The following MYORG variants were observed in gnomAD, a reference collection of about 807,000 sequenced individuals.
MYORG encodes alpha-galactosidase MYORG.
A neutral mutation model predicts 49.8 loss-of-function variants in MYORG; 45 were observed. The ratio of observed to expected loss-of-function variants is 0.90; its 90% CI spans 0.71 to 1.16. The LOEUF (loss-of-function observed/expected upper bound fraction) is 1.16. Ranked by LOEUF, MYORG falls within the 50% of genes most tolerant of loss-of-function variation. MYORG has a pLI of 0.00. For missense variants in MYORG, 1,110 were observed against 1,026.5 expected (o/e 1.08, Z -1.11); for synonymous variants, 552 against 462.9 (o/e 1.19, Z -2.47).
rs1012187372 is a variant in MYORG, at chr9:34,367,487, C to T, written c.*3312G>A. 6.6e-6 allele frequency: 1 copy of T among 152,226 alleles called. No homozygotes were observed. Among genetic ancestry groups the T allele is most frequent in the African/African-American group, 2.4e-5 (1 of 41,452 alleles). 9.4% of individuals were successfully genotyped at this position (152,226 alleles called of 1,614,324 possible). ...AAAATCAAAGGCTAGTTAGTTACTT[C>T]CTAGATACAACGGAGGTACAGGCAT... On this transcript the variant is annotated 3_prime_UTR_variant, in exon 2 of 2. Transcript: ENST00000297625.
Position 34,371,496 on chromosome 9 carries a change from G to C in MYORG, c.1448C>G (p.Pro483Arg). The C allele has an allele frequency of 6.2e-7, 1 of 1,611,180 alleles. No individual in the cohort carries two copies. The highest frequency in any genetic ancestry group is 8.5e-7 in the Non-Finnish European group (1 of 1,179,708). ...DFSTYRPLPD[P>R]SVWSRRYTEM... ...AGTGTAGCGCCGGCTCCAGACGCTG[G>C]GGTCCGGCAGCGGCCGGTAGGTGCT... Residue 483 changes from proline (P) to arginine (R), a missense_variant, in exon 2 of 2, where the codon CCC becomes CGC. Transcript: ENST00000297625.
rs1294482613 is a variant in MYORG, at chr9:34,372,377, G to A, written c.567C>T (p.Ala189=). The change falls in exon 2 of 2, where the codon GCC becomes GCT. Residue 189 remains alanine, a synonymous_variant. Transcript: ENST00000297625. ...TGGGCCAGTGTTGCGTCCTCATCTCGGCGCCACCATACCAGTGGGCCGCCG... is the reference window on the plus strand; with the variant it reads ...TGGGCCAGTGTTGCGTCCTCATCTCAGCGCCACCATACCAGTGGGCCGCCG... The part of the protein sequence containing the change: ...GDAAAHWYGG[A]EMRTQHWPIR... 6.3e-6 allele frequency: 10 copies of A among 1,590,096 alleles called. No homozygotes were observed. The highest frequency in any genetic ancestry group is 3.5e-5 in the Admixed American group (2 of 56,428).
rs754464152 is a variant in MYORG, at chr9:34,371,798, G to A, written c.1146C>T (p.Asp382=). The A allele has an allele frequency of 4.3e-6, 7 of 1,613,882 alleles. No homozygotes were observed. In the Admixed American group the frequency reaches 5.0e-5, roughly 12 times the overall value. Residue 382 remains aspartate, a synonymous_variant, in exon 2 of 2, where the codon GAC becomes GAT. Transcript: ENST00000297625. ...CCCAGAGCGTGACGCGGAAGCCGGC[G>A]TCGCGCAGGCGGCGGAACATGTCGC... ...NASDMFRRLR[D]AGFRVTLWVH...
chr9:34,373,510 T>G (rs1820676836), intron 1 of MYORG, among the ~76,000 whole-genome samples: 1 of 152,092 alleles, frequency 6.6e-6, no homozygotes, highest in Non-Finnish European at 1.5e-5. Flanking sequence ...TGGAGTGCAG[T>G]GGCATGATCT....
chr9:34,367,409 T>C lies in MYORG; in HGVS notation c.*3390A>G, dbSNP rs1469311629. Reference sequence around the variant, plus strand: ...ATTTCAGCATTAACTCAAAAGTCCATACTCCAAAGTCTCATCTGAAACAAG... The same window carrying C: ...ATTTCAGCATTAACTCAAAAGTCCACACTCCAAAGTCTCATCTGAAACAAG... On this transcript the variant is annotated 3_prime_UTR_variant, in exon 2 of 2. Coordinates refer to ENST00000297625, the MANE Select transcript of MYORG (RefSeq NM_020702.5). The C allele has an allele frequency of 3.9e-5, 6 of 152,154 alleles. No individual in the cohort carries two copies. The highest frequency in any genetic ancestry group is 6.5e-5 in the Admixed American group (1 of 15,276). 9.4% of individuals were successfully genotyped at this position (152,154 alleles called of 1,614,324 possible).
chr9:34,371,757 T>C lies in MYORG; in HGVS notation c.1187A>G (p.Asn396Ser), dbSNP rs775645853. 5 of 1,613,672 alleles carry C rather than the reference T, an allele frequency of 3.1e-6. No individual in the cohort carries two copies. The South Asian group carries it at 3.3e-5, about 11-fold the overall frequency. ...RVTLWVHPFV[N>S]YNSSRFGEGV... Reference sequence around the variant, plus strand: ...CTCGCCGAAGCGCGACGAGTTGTAGTTGACAAAAGGGTGCACCCAGAGCGT... The same window carrying C: ...CTCGCCGAAGCGCGACGAGTTGTAGCTGACAAAAGGGTGCACCCAGAGCGT... Residue 396 changes from asparagine (N) to serine (S), a missense_variant, in exon 2 of 2, where the codon AAC becomes AGC. By Grantham distance (46) the Asn-to-Ser change is conservative. Transcript: ENST00000297625.
chr9:34,370,945 C>CCAGCACCGGGGCCA lies in MYORG; in HGVS notation c.1985_1998dup (p.Glu667TrpfsTer92). 1 of 1,613,528 alleles carries CCAGCACCGGGGCCA rather than the reference C, an allele frequency of 6.2e-7. No individual in the cohort carries two copies. The highest frequency in any genetic ancestry group is 8.5e-7 in the Non-Finnish European group (1 of 1,179,848). On this transcript the variant is annotated frameshift_variant, in exon 2 of 2. Coordinates refer to ENST00000297625, the MANE Select transcript of MYORG (RefSeq NM_020702.5). LOFTEE classifies it high-confidence loss of function. ...ACGTCGCGCTCCTGCTTGCCTGGCTCCAGCACCGGGGCCACAAGCAGCGTG... is the reference window on the plus strand; with the variant it reads ...ACGTCGCGCTCCTGCTTGCCTGGCTCCAGCACCGGGGCCACAGCACCGGGGCCACAAGCAGCGTG...
In MYORG at chr9:34,367,453, T is replaced by C. The variant is rs1194057671; in HGVS notation, c.*3346A>G. On this transcript the variant is annotated 3_prime_UTR_variant, in exon 2 of 2. Transcript: ENST00000297625. ...AAACAAGGCAAGTCCCTTCCACCTA[T>C]GAGCCTGTAAAATCAAAGGCTAGTT... The C allele has an allele frequency of 6.6e-6, 1 of 152,220 alleles. No individual in the cohort carries two copies. Among genetic ancestry groups the C allele is most frequent in the Non-Finnish European group, 1.5e-5 (1 of 68,040 alleles). 9.4% of individuals were successfully genotyped at this position (152,220 alleles called of 1,614,324 possible). A position where few individuals can be genotyped will look rare whatever the true frequency, so the allele number is the denominator to read the frequency against.
chr9:34,372,951 C>T lies in MYORG; in HGVS notation c.-8G>A. 6.2e-7 allele frequency: 1 copy of T among 1,611,634 alleles called. No individual in the cohort carries two copies. The highest frequency in any genetic ancestry group is 2.2e-5 in the East Asian group (1 of 44,838). Reference sequence around the variant, plus strand: ...CTGAGGGTTCTGGAGCATTAGTGGGCTGCTAAGAAAGGAGCGGGCCGTGGG... The same window carrying T: ...CTGAGGGTTCTGGAGCATTAGTGGGTTGCTAAGAAAGGAGCGGGCCGTGGG... On this transcript the variant is annotated 5_prime_UTR_variant, in exon 2 of 2. Transcript: ENST00000297625.
rs1196138440 is a variant in MYORG, at chr9:34,371,579, G to C, written c.1365C>G (p.Tyr455Ter). ...CGTCGAACTTGAAGGAAGCCACGGA[G>C]TAGCGAGAGCGCAGCCGCCGCAGGT... ...QGHLRRLRSR[Y>*]SVASFKFDAG... Residue 455 changes from tyrosine (Y) to a stop codon, truncating the protein, a stop_gained, in exon 2 of 2, where the codon TAC (tyrosine) becomes TAG (stop). Coordinates refer to ENST00000297625, the MANE Select transcript of MYORG (RefSeq NM_020702.5). LOFTEE classifies it high-confidence loss of function. 6.2e-7 allele frequency: 1 copy of C among 1,604,740 alleles called. No individual in the cohort carries two copies. The highest frequency in any genetic ancestry group is 8.5e-7 in the Non-Finnish European group (1 of 1,178,956).
At position 34,371,239 on chromosome 9, in the gene MYORG, G is replaced by A; in HGVS notation, c.1705C>T (p.Pro569Ser). Residue 569 changes from proline (P) to serine (S), a missense_variant, in exon 2 of 2, where the codon CCC (proline) becomes TCC (serine). Coordinates refer to ENST00000297625, the MANE Select transcript of MYORG (RefSeq NM_020702.5). Reference sequence around the variant, plus strand: ...CAGCGAATGTAGAGCTCGCGCTCGGGCACATCGCCGCCGGCTGTCCGCTGG... The same window carrying A: ...CAGCGAATGTAGAGCTCGCGCTCGGACACATCGCCGCCGGCTGTCCGCTGG... Reference protein sequence around the residue: ...VPQRTAGGDVPERELYIRWLE... With the variant: ...VPQRTAGGDVSERELYIRWLE... 2 of 1,608,078 alleles carry A rather than the reference G, an allele frequency of 1.2e-6. No homozygotes were observed. The highest frequency in any genetic ancestry group is 1.1e-5 in the South Asian group (1 of 90,368).
rs969621412 is a variant in MYORG, at chr9:34,370,152, T to A, written c.*647A>T. 5 of 152,822 alleles carry A rather than the reference T, an allele frequency of 3.3e-5. No homozygotes were observed. Among genetic ancestry groups the A allele is most frequent in the African/African-American group, 9.7e-5 (4 of 41,450 alleles). The allele number at this position is 152,822 out of a possible 1,614,324, so 9.5% of individuals were successfully genotyped here. ...TATGTACACAAATGGGTTAGTGCAG[T>A]GTTAGGAGTCTCTTCACAAATTGGG... On this transcript the variant is annotated 3_prime_UTR_variant, in exon 2 of 2. Transcript: ENST00000297625.
At position 34,372,178 on chromosome 9, in the gene MYORG, G is replaced by C; in HGVS notation, c.766C>G (p.Leu256Val). 1 of 1,611,458 alleles carries C rather than the reference G, an allele frequency of 6.2e-7. No individual in the cohort carries two copies. The highest frequency in any genetic ancestry group is 8.5e-7 in the Non-Finnish European group (1 of 1,179,258). The change falls in exon 2 of 2, where the codon CTG becomes GTG. Residue 256 changes from leucine (L) to valine (V), a missense_variant. Transcript: ENST00000297625. ...TCGTGGTAGCGCGCCTGAAGCCGCA[G>C]CGAGCGCTCCGTGCTGTTCCAGCCC... ...HLGWNSTERS[L>V]RLQARYHDTP...
At position 34,370,994 on chromosome 9, in the gene MYORG, G is replaced by C. The variant is rs750358831; in HGVS notation, c.1950C>G (p.Ile650Met). 1 of 1,613,456 alleles carries C rather than the reference G, an allele frequency of 6.2e-7. No individual in the cohort carries two copies. The change falls in exon 2 of 2, where the codon ATC (isoleucine) becomes ATG (methionine). Residue 650 changes from isoleucine (I) to methionine (M), a missense_variant. Physicochemically the swap from Ile to Met is conservative, Grantham distance 10. Coordinates refer to ENST00000297625, the MANE Select transcript of MYORG (RefSeq NM_020702.5). Reference sequence around the variant, plus strand: ...TGTCCCCAATAAGGAACTGCGAGTCGATACGGTGAGCTGTCTCGTCGCCGG... The same window carrying C: ...TGTCCCCAATAAGGAACTGCGAGTCCATACGGTGAGCTGTCTCGTCGCCGG... The part of the protein sequence containing the change: ...IAPGDETAHR[I>M]DSQFLIGDTL...
chr9:34,372,369 C>T lies in MYORG; in HGVS notation c.575G>A (p.Arg192Lys), dbSNP rs1271190914. 1.3e-6 allele frequency: 2 copies of T among 1,591,938 alleles called. No homozygotes were observed. Among genetic ancestry groups the T allele is most frequent in the South Asian group, 1.1e-5 (1 of 88,136 alleles). ...CAGGCGGATGGGCCAGTGTTGCGTC[C>T]TCATCTCGGCGCCACCATACCAGTG... is the stretch of plus-strand genomic sequence containing the variant. ...AAHWYGGAEM[R>K]TQHWPIRLDG... The change falls in exon 2 of 2, where the codon AGG (arginine) becomes AAG (lysine). Residue 192 changes from arginine (R) to lysine (K), a missense_variant. Transcript: ENST00000297625.
rs1327551787 is a variant in MYORG, at chr9:34,376,553, G to C, written c.-64+240C>G. 6.6e-6 allele frequency among the ~76,000 whole-genome samples: 1 copy of C among 152,192 alleles called. No individual in the cohort carries two copies. Among genetic ancestry groups the C allele is most frequent in the African/African-American group, 2.4e-5 (1 of 41,456 alleles). ...CCAGGCGACGGTATCCGCGGGGATC[G>C]AGTGACTGCCTACATAGCCTGGAAT... On this transcript the variant is annotated intron_variant, in intron 1 of 1. Coordinates refer to ENST00000297625, the MANE Select transcript of MYORG (RefSeq NM_020702.5). The surrounding 1 kb of genome is among the most constrained non-coding windows in gnomAD (Gnocchi z 4.4).
rs1820582405 is a variant in MYORG at position 34,371,017 on chromosome 9, C to A, written c.1927G>T (p.Gly643Cys). ...TCGATACGGTGAGCTGTCTCGTCGCCGGGCGCAATCCACCAAAGGGGGCGC... is the reference window on the plus strand; with the variant it reads ...TCGATACGGTGAGCTGTCTCGTCGCAGGGCGCAATCCACCAAAGGGGGCGC... ...IVRPLWWIAP[G>C]DETAHRIDSQ... Residue 643 changes from glycine (G) to cysteine (C), a missense_variant, in exon 2 of 2, where the codon GGC becomes TGC. Coordinates refer to ENST00000297625, the MANE Select transcript of MYORG (RefSeq NM_020702.5). 1 of 1,613,222 alleles carries A rather than the reference C, an allele frequency of 6.2e-7. No homozygotes were observed.
Position 34,371,859 on chromosome 9 carries a change from T to C in MYORG, c.1085A>G (p.Asp362Gly). Reference sequence around the variant, plus strand: ...GAATTTGACCTCATCGAAGTCGAAGTCGCCATAAGCAGGTGTGTACATGTC... The same window carrying C: ...GAATTTGACCTCATCGAAGTCGAAGCCGCCATAAGCAGGTGTGTACATGTC... ...IDDMYTPAYG[D>G]FDFDEVKFPN... is the part of the protein sequence containing the mutation. Residue 362 changes from aspartate to glycine, a missense_variant, in exon 2 of 2, where the codon GAC becomes GGC. By Grantham distance (94) the Asp-to-Gly change is moderately conservative (BLOSUM62 -1). Transcript: ENST00000297625. 1 of 1,614,066 alleles carries C rather than the reference T, an allele frequency of 6.2e-7. No homozygotes were observed. Among genetic ancestry groups the C allele is most frequent in the Non-Finnish European group, 8.5e-7 (1 of 1,179,896 alleles).
At position 34,372,767 on chromosome 9, in the gene MYORG, G is replaced by T; in HGVS notation, c.177C>A (p.Gly59=). ...CAAGCAGCAGCCCCAGAACCGCGGA[G>T]CCCAGCAGCGGCTTCAGGTCTTTGG... is the stretch of plus-strand genomic sequence containing the variant. The part of the protein sequence containing the change: ...KPSKDLKPLL[G]SAVLGLLLVL... Residue 59 remains glycine, a synonymous_variant, in exon 2 of 2, where the codon GGC becomes GGA. Coordinates refer to ENST00000297625, the MANE Select transcript of MYORG (RefSeq NM_020702.5). 2 of 1,613,960 alleles carry T rather than the reference G, an allele frequency of 1.2e-6. No homozygotes were observed. The highest frequency in any genetic ancestry group is 1.7e-6 in the Non-Finnish European group (2 of 1,179,852).
Sources: allele counts gnomAD v4.1 joint callset (sites outside exome capture counted in the v4.1 genomes callset), GRCh38; gene constraint gnomAD v4.1.1; non-coding constraint Gnocchi (gnomAD v3.1); transcripts MANE v1.5; gene names NCBI Gene and HGNC (gene_info 2026-07-23, HGNC 2026-07-21).